The following MOB3B variants were observed in gnomAD, a reference collection of about 807,000 sequenced individuals.
The protein encoded by MOB3B is MOB kinase activator-like 2B.
Under a neutral mutation model 18.7 loss-of-function variants are expected in MOB3B, and 7 were observed. That is an observed-to-expected ratio of 0.37 (90% confidence interval 0.21 to 0.70). MOB3B has a LOEUF of 0.70. Among genes scored for constraint, MOB3B ranks in the 30% least tolerant of loss-of-function variants. MOB3B has a pLI of 0.52. For missense variants in MOB3B, 253 were observed against 281.3 expected, an observed-to-expected ratio of 0.90 and a Z score of 0.72; for synonymous variants, 111 against 99.9, an observed-to-expected ratio of 1.11 and a Z score of -0.66.
intron 1 of MOB3B, among the ~76,000 whole-genome samples, chr9:27,465,568 ACT>A (rs1369495849): frequency 6.6e-6 from 1 of 151,836 alleles, no homozygotes; most frequent in Non-Finnish European, 1.5e-5. Flanking sequence ...CCCAGTAGGG[ACT>A]CTGTGTGGGG....
intron 1 of MOB3B, among the ~76,000 whole-genome samples, chr9:27,519,153 T>C (rs1456882535): frequency 6.6e-6 from 1 of 152,170 alleles, no homozygotes; most frequent in Non-Finnish European, 1.5e-5. Flanking sequence ...TCCATATCCC[T>C]ACACAAAAAG....
intron 2 of MOB3B, among the ~76,000 whole-genome samples, chr9:27,438,032 T>G (rs1822538520): frequency 6.6e-6 from 1 of 152,190 alleles, no homozygotes; most frequent in Non-Finnish European, 1.5e-5. Context: ...CAGGATGCAT[T>G]TTTCCTTCTC....
intron 1 of MOB3B, among the ~76,000 whole-genome samples, chr9:27,486,532 G>A (rs1819732075): frequency 6.6e-6 from 1 of 152,178 alleles, no homozygotes; most frequent in African/African-American, 2.4e-5. Context: ...AGTGGATCAA[G>A]CCTAACTAAA....
intron 1 of MOB3B, among the ~76,000 whole-genome samples, chr9:27,475,378 C>T (rs115819130): frequency 2.0e-5 from 3 of 152,354 alleles, no homozygotes; most frequent in African/African-American, 7.2e-5. Context: ...AGATAATAAA[C>T]GTTGTTGTTT....
rs80004122 is a variant in MOB3B, at chr9:27,328,003, C to G, written c.*2584G>C. 6.6e-6 allele frequency: 1 copy of G among 151,412 alleles called. No individual in the cohort carries two copies. Among genetic ancestry groups the G allele is most frequent in the Non-Finnish European group, 1.5e-5 (1 of 67,926 alleles). 9.4% of individuals were successfully genotyped at this position (151,412 alleles called of 1,614,324 possible). On this transcript the variant is annotated 3_prime_UTR_variant, in exon 4 of 4. Transcript: ENST00000262244. ...GCTACTCAGGAGGCTAAGGTTGAAG[C>G]TCACTTGAGGCAAGGGGTTCAAGGC...
chr9:27,529,744 T>G lies in MOB3B; in HGVS notation c.-388A>C, dbSNP rs962529883. On this transcript the variant is annotated 5_prime_UTR_variant, in exon 1 of 4. Coordinates refer to ENST00000262244, the MANE Select transcript of MOB3B (RefSeq NM_024761.5). The stretch of plus-strand genomic sequence containing the variant: ...GGACGGGCGAGCGCCTGGCTCCAGC[T>G]GCAGCCGCCGTCGCTCCGGAGCAGC... 6.1e-6 allele frequency: 6 copies of G among 985,276 alleles called. No individual in the cohort carries two copies. In the Admixed American group the frequency reaches 3.7e-4, roughly 61 times the overall value. The allele number at this position is 985,276 out of a possible 1,614,324, so 61.0% of individuals were successfully genotyped here.
intron 2 of MOB3B, among the ~76,000 whole-genome samples, chr9:27,379,134 C>A (rs542965866): frequency 6.6e-6 from 1 of 152,112 alleles, no homozygotes; most frequent in Non-Finnish European, 1.5e-5. Context: ...GTTGTTGGAG[C>A]GGGGATTCAG....
chr9:27,459,012 C>CT (rs533239247), intron 1 of MOB3B, among the ~76,000 whole-genome samples: 4 of 57,250 alleles, frequency 7.0e-5, no homozygotes, highest in African/African-American at 1.4e-4. Flanking sequence ...ATCAGGTAGG[C>CT]CCCCCCCCAT....
At chr9:27,451,284 G>C (rs1461676793) in intron 2 of MOB3B, among the ~76,000 whole-genome samples, 1 of 152,182 alleles carries the variant, frequency 6.6e-6, no homozygotes, top group Non-Finnish European at 1.5e-5. Context: ...AATTGAAAAG[G>C]AGGTGGCCCT....
chr9:27,352,573 A>T (rs1821120917), intron 3 of MOB3B, among the ~76,000 whole-genome samples: 1 of 152,182 alleles, frequency 6.6e-6, no homozygotes. Context: ...AACAATGAAA[A>T]GGACTGCACT....
chr9:27,472,806 A>G (rs1056419402), intron 1 of MOB3B, among the ~76,000 whole-genome samples: 2 of 152,186 alleles, frequency 1.3e-5, no homozygotes, highest in Non-Finnish European at 2.9e-5. Flanking sequence ...AAACTCTGAT[A>G]ATCATTTCTT....
chr9:27,360,971 T>C (rs1320072654), intron 2 of MOB3B, among the ~76,000 whole-genome samples: 4 of 151,854 alleles, frequency 2.6e-5, no homozygotes, highest in Non-Finnish European at 4.4e-5. Context: ...GCTTTCTCAG[T>C]GGAGAGGGGC....
chr9:27,430,477 C>T (rs751131122), intron 2 of MOB3B, among the ~76,000 whole-genome samples: 6 of 152,170 alleles, frequency 3.9e-5, no homozygotes, highest in Non-Finnish European at 8.8e-5. Flanking sequence ...AGTGCGGACT[C>T]TGAGCCTTTC....
intron 2 of MOB3B, among the ~76,000 whole-genome samples, chr9:27,377,750 G>C (rs999060416): frequency 6.6e-6 from 1 of 152,212 alleles, no homozygotes; most frequent in Admixed American, 6.5e-5. Context: ...AAAAACTAGC[G>C]AAATGTTCTC....
At chr9:27,436,174 A>G (rs910708360) in intron 2 of MOB3B, among the ~76,000 whole-genome samples, 17 of 152,050 alleles carry the variant, frequency 1.1e-4, no homozygotes, top group African/African-American at 4.1e-4. Flanking sequence ...CCTATTAGAG[A>G]CTTTGTGTAT....
intron 1 of MOB3B, among the ~76,000 whole-genome samples, chr9:27,476,734 A>C (rs946130078): frequency 6.6e-6 from 1 of 152,192 alleles, no homozygotes; most frequent in South Asian, 2.1e-4. Context: ...CCTTGTAGAC[A>C]TCCAACTTAC....
Position 27,445,960 on chromosome 9 carries a change from G to A in MOB3B, c.418+9173C>T, listed in dbSNP as rs909915592. ...CCAGTCCTGACGACCTGGGCTGGAT[G>A]ATGTAGAAACATCAAAAGCCTATTG... On this transcript the variant is annotated intron_variant, in intron 2 of 3. Transcript: ENST00000262244. Among the ~76,000 whole-genome samples the A allele has an allele frequency of 3.2e-4, 48 of 152,250 alleles. 1 individual carries two copies. Among genetic ancestry groups the A allele is most frequent in the Non-Finnish European group, 5.9e-5 (4 of 68,028 alleles).
At chr9:27,468,685 A>G (rs1030651800) in intron 1 of MOB3B, among the ~76,000 whole-genome samples, 1 of 152,246 alleles carries the variant, frequency 6.6e-6, no homozygotes, top group African/African-American at 2.4e-5. Flanking sequence ...CACAGGACCC[A>G]GCAGAAACAG....
intron 3 of MOB3B, among the ~76,000 whole-genome samples, chr9:27,355,684 C>T (rs1035379355): frequency 2.0e-5 from 3 of 151,748 alleles, no homozygotes; most frequent in South Asian, 2.1e-4. Context: ...CTCAGCCTCC[C>T]GAGTGGCTGG....
Sources: gnomAD v4.1 joint callset for allele counts (sites outside exome capture counted in the v4.1 genomes callset) on GRCh38, gnomAD v4.1.1 for gene constraint, MANE v1.5 for transcripts, NCBI Gene and HGNC (gene_info 2026-07-23, HGNC 2026-07-21) for gene names.